Variants in ZFAND3 observed in about 807,000 individuals in gnomAD.
The protein encoded by ZFAND3 is zinc finger AN1-type containing 3, also known as AN1-type zinc finger protein 3.
In ZFAND3, 10 loss-of-function variants were observed where a neutral mutation model predicts 29.6. That is an observed-to-expected ratio of 0.34 (90% CI 0.21 to 0.57). ZFAND3 has a LOEUF of 0.57. Among genes scored for constraint, ZFAND3 ranks in the 20% least tolerant of loss-of-function variants. The pLI, the probability that ZFAND3 is intolerant of heterozygous loss-of-function variation, is 0.86. For missense variants in ZFAND3, 230 were observed against 304.5 expected (o/e 0.76, Z 1.82); for synonymous variants, 128 against 112.6 (o/e 1.14, Z -0.87).
At chr6:37,944,487 A>G (rs1343013823) in intron 2 of ZFAND3, among the ~76,000 whole-genome samples, 1 of 152,210 alleles carries the variant, frequency 6.6e-6, no homozygotes, top group Non-Finnish European at 1.5e-5. Flanking sequence ...TGGCCCTACA[A>G]GAGGAGGAGC....
chr6:37,999,982 A>G (rs1231424889), intron 2 of ZFAND3, among the ~76,000 whole-genome samples: 2 of 152,216 alleles, frequency 1.3e-5, no homozygotes, highest in African/African-American at 2.4e-5. Flanking sequence ...ATCTAAAACT[A>G]TTACTAAAAA....
At chr6:37,828,771 C>A (rs529912596) in intron 1 of ZFAND3, among the ~76,000 whole-genome samples, 1 of 152,290 alleles carries the variant, frequency 6.6e-6, no homozygotes, top group East Asian at 1.9e-4. Context: ...CTGCCTCAGC[C>A]TCCCGAGTAG....
At chr6:37,839,094 T>C (rs1373668810) in intron 1 of ZFAND3, among the ~76,000 whole-genome samples, 3 of 152,250 alleles carry the variant, frequency 2.0e-5, no homozygotes, top group Non-Finnish European at 4.4e-5. Flanking sequence ...CATTGACCAT[T>C]TGTGTATCTA....
chr6:37,999,189 C>T (rs1762902500), intron 2 of ZFAND3, among the ~76,000 whole-genome samples: 1 of 152,150 alleles, frequency 6.6e-6, no homozygotes, highest in Admixed American at 6.6e-5. Context: ...TCCCAGTGGC[C>T]CAAGCTGGAA....
intron 2 of ZFAND3, among the ~76,000 whole-genome samples, chr6:37,987,486 G>A (rs949278016): frequency 6.6e-6 from 1 of 152,196 alleles, no homozygotes; most frequent in Non-Finnish European, 1.5e-5. Context: ...CTATAATTGT[G>A]TGTGTTAGTG....
chr6:38,078,681 GC>G (rs1471695030), intron 3 of ZFAND3, among the ~76,000 whole-genome samples: 1 of 152,148 alleles, frequency 6.6e-6, no homozygotes, highest in Non-Finnish European at 1.5e-5. Flanking sequence ...ATTGTTCTGT[GC>G]TTAGAAATAC....
chr6:38,089,727 G>A (rs1240506683), intron 4 of ZFAND3, among the ~76,000 whole-genome samples: 1 of 152,170 alleles, frequency 6.6e-6, no homozygotes, highest in East Asian at 1.9e-4. Flanking sequence ...CAATATTCAT[G>A]GAAACATTTC....
At chr6:37,936,479 C>G (rs1268368605) in intron 2 of ZFAND3, among the ~76,000 whole-genome samples, 1 of 152,138 alleles carries the variant, frequency 6.6e-6, no homozygotes, top group Non-Finnish European at 1.5e-5. Flanking sequence ...GTTCAGAATA[C>G]CACTTGGTCG....
At chr6:37,907,404 G>A (rs1044700825) in intron 1 of ZFAND3, among the ~76,000 whole-genome samples, 1 of 151,960 alleles carries the variant, frequency 6.6e-6, no homozygotes, top group Non-Finnish European at 1.5e-5. Flanking sequence ...TTTTCTGTTC[G>A]CGCCCCTTGG....
intron 2 of ZFAND3, among the ~76,000 whole-genome samples, chr6:37,978,968 T>C (rs1762535047): frequency 6.6e-6 from 1 of 152,036 alleles, no homozygotes; most frequent in Non-Finnish European, 1.5e-5. Context: ...TTTTTTTTTT[T>C]CTCTAGTCAG....
intron 4 of ZFAND3, among the ~76,000 whole-genome samples, chr6:38,090,778 A>G (rs1290019860): frequency 6.6e-6 from 1 of 152,224 alleles, no homozygotes; most frequent in Non-Finnish European, 1.5e-5. Context: ...GTGAGGTAAA[A>G]TATACTAATA....
At chr6:38,125,044 C>CA (rs1320028744) in intron 5 of ZFAND3, among the ~76,000 whole-genome samples, 1 of 151,976 alleles carries the variant, frequency 6.6e-6, no homozygotes, top group Non-Finnish European at 1.5e-5. Flanking sequence ...TCCATCCCCC[C>CA]AAAAGGAAAA....
At chr6:37,861,625 A>G (rs1764492870) in intron 1 of ZFAND3, among the ~76,000 whole-genome samples, 1 of 152,224 alleles carries the variant, frequency 6.6e-6, no homozygotes. Flanking sequence ...TAAAACTATT[A>G]TGAAATATTA....
intron 2 of ZFAND3, among the ~76,000 whole-genome samples, chr6:38,051,970 G>A (rs1561981521): frequency 6.6e-6 from 1 of 152,164 alleles, no homozygotes; most frequent in Non-Finnish European, 1.5e-5. Context: ...TAGGAAACAA[G>A]CCTTACTCCA....
intron 1 of ZFAND3, among the ~76,000 whole-genome samples, chr6:37,823,040 G>T (rs1413070828): frequency 6.6e-6 from 1 of 152,170 alleles, no homozygotes; most frequent in Non-Finnish European, 1.5e-5. Flanking sequence ...CAAGAACTTT[G>T]ATCAGGGAGT....
chr6:37,914,662 C>CTTTTTTTTCT (rs1761201322), intron 1 of ZFAND3, among the ~76,000 whole-genome samples: 1 of 62,474 alleles, frequency 1.6e-5, no homozygotes, highest in African/African-American at 6.7e-5. Context: ...TTCTTTCTTT[C>CTTTTTTTTCT]TTTTTTTTTC....
At chr6:37,844,851 A>C (rs969871473) in intron 1 of ZFAND3, among the ~76,000 whole-genome samples, 1 of 135,490 alleles carries the variant, frequency 7.4e-6, no homozygotes, top group African/African-American at 2.8e-5. Context: ...CGTCTCTACT[A>C]AAAAAAAAAA....
At chr6:37,843,589 TAGG>T (rs1285638176) in intron 1 of ZFAND3, among the ~76,000 whole-genome samples, 1 of 152,178 alleles carries the variant, frequency 6.6e-6, no homozygotes, top group African/African-American at 2.4e-5. Context: ...TGAGAGCTAA[TAGG>T]AGAATTTTGT....
chr6:38,003,510 T>G (rs78309997), intron 2 of ZFAND3, among the ~76,000 whole-genome samples: 10,383 of 152,146 alleles, frequency 0.068, 431 homozygotes, highest in Non-Finnish European at 0.087. Context: ...ATCTTTTTTT[T>G]TTTTTGAGAC....
Sources: allele counts gnomAD v4.1 joint callset (sites outside exome capture counted in the v4.1 genomes callset), GRCh38; gene constraint gnomAD v4.1.1; transcripts MANE v1.5; gene names NCBI Gene and HGNC (gene_info 2026-07-23, HGNC 2026-07-21).